KIAA1210: variants seen among roughly 807,000 people sequenced by gnomAD.
KIAA1210 encodes acrosomal protein KIAA1210.
A neutral mutation model predicts 78.9 loss-of-function variants in KIAA1210; 48 were observed. The ratio of observed to expected loss-of-function variants is 0.61; its 90% CI spans 0.48 to 0.77. KIAA1210 has a LOEUF of 0.77. Among genes scored for constraint, KIAA1210 ranks in the 30% least tolerant of loss-of-function variants. The pLI is 0.00. For missense variants in KIAA1210, 1,108 were observed against 1,100.0 expected (o/e 1.01, Z -0.10); for synonymous variants, 406 against 404.5 (o/e 1.00, Z -0.04).
chrX:119,126,644 C>T (rs1265069634), intron 1 of KIAA1210, among the ~76,000 whole-genome samples: 1 of 112,076 alleles, frequency 8.9e-6, no homozygotes. Flanking sequence ...CATATGCAGA[C>T]CATCAGGAGA....
At chrX:119,150,132 A>G (rs758136403) in intron 1 of KIAA1210, among the ~76,000 whole-genome samples, 1 of 112,184 alleles carries the variant, frequency 8.9e-6, no homozygotes, top group Non-Finnish European at 1.9e-5. Flanking sequence ...GATGTTGGCT[A>G]GGTTTCTTGA....
rs745882570 is a variant in KIAA1210 at position 119,086,562 on chromosome X, A to G, written c.4140T>C (p.Pro1380=). ...AAGCCTTACCTGGGGTCTTGCAAGC[A>G]GGTTGCTTCTTGGCCATGCTTTCAG... is the stretch of plus-strand genomic sequence containing the variant. ...PKSESMAKKQ[P]ACKTPGKPAG... The change falls in exon 9 of 12, where the codon CCT becomes CCC. Residue 1380 remains proline, a synonymous_variant. Transcript: ENST00000691062. 1.7e-6 allele frequency: 2 copies of G among 1,203,542 alleles called. No homozygotes were observed. Among genetic ancestry groups the G allele is most frequent in the East Asian group, 3.0e-5 (1 of 33,818 alleles).
chrX:119,135,169 C>T (rs751221625), intron 2 of KIAA1210, among the ~76,000 whole-genome samples: 6 of 111,682 alleles, frequency 5.4e-5, no homozygotes, highest in African/African-American at 2.0e-4. Flanking sequence ...TTTTAAAGCC[C>T]ATGATTCGAC....
chrX:119,147,505 C>G (rs1304729240), exon 2 of KIAA1210: 3 of 1,211,523 alleles, frequency 2.5e-6, no homozygotes, highest in Non-Finnish European at 3.4e-6. Flanking sequence ...GTAGGAGAAG[C>G]TGACTAGCAT....
In KIAA1210 at chrX:119,089,710, A is replaced by T. The variant is rs772720499; in HGVS notation, c.992T>A (p.Met331Lys). The T allele has an allele frequency of 8.3e-7, 1 of 1,206,315 alleles. No individual in the cohort carries two copies. Among genetic ancestry groups the T allele is most frequent in the Non-Finnish European group, 1.1e-6 (1 of 893,981 alleles). ...CTGGTCTGTTGTCTTCTTATCATAC[A>T]TCTCAGTTTTGTTGTTCTGTTTCTG... ...SSQKQNNKTE[M>K]YDKKTTDQAP... Residue 331 changes from methionine (M) to lysine (K), a missense_variant, in exon 9 of 12, where the codon ATG becomes AAG. Physicochemically the swap from Met to Lys is moderately conservative, Grantham distance 95 (BLOSUM62 -1). This residue lies in a region of KIAA1210 where 672 missense variants were observed against 607.1 expected (regional missense o/e 1.11). Coordinates refer to ENST00000691062, the MANE Select transcript of KIAA1210 (RefSeq NM_001394962.1).
At chrX:119,114,142 G>A (rs1928175917) in intron 3 of KIAA1210, among the ~76,000 whole-genome samples, 1 of 111,492 alleles carries the variant, frequency 9.0e-6, no homozygotes, top group African/African-American at 3.3e-5. Context: ...TAGCAGCTTG[G>A]GCATTGTGGG....
rs751377435 is a variant in KIAA1210 at position 119,088,790 on chromosome X, C to T, written c.1912G>A (p.Val638Ile). The T allele has an allele frequency of 6.3e-5, 76 of 1,210,069 alleles. No homozygotes were observed. In the South Asian group the frequency reaches 1.2e-3, roughly 19 times the overall value. The change falls in exon 9 of 12, where the codon GTC becomes ATC. Residue 638 changes from valine to isoleucine, a missense_variant. This residue lies in a region of KIAA1210 where 672 missense variants were observed against 607.1 expected (regional missense o/e 1.11). Transcript: ENST00000691062. Reference protein sequence around the residue: ...SLGKFEDEQEVFSESKSFVED... With the variant: ...SLGKFEDEQEIFSESKSFVED... ...ACAAAACTTTTTGATTCTGAGAAGA[C>T]TTCTTGTTCATCTTCAAACTTCCCC...
intron 2 of KIAA1210, among the ~76,000 whole-genome samples, chrX:119,146,046 A>G (rs1248369025): frequency 8.9e-6 from 1 of 112,400 alleles, no homozygotes; most frequent in African/African-American, 3.2e-5. Context: ...ATCACATCGC[A>G]TTTTACATTT....
At chrX:119,084,842 T>G (rs1927081054) in intron 10 of KIAA1210, among the ~76,000 whole-genome samples, 1 of 112,170 alleles carries the variant, frequency 8.9e-6, no homozygotes, top group African/African-American at 3.2e-5. Flanking sequence ...GCAGGATTTG[T>G]TTTGCAGATT....
At chrX:119,091,427 A>G (rs759049703) in intron 8 of KIAA1210, among the ~76,000 whole-genome samples, 6 of 112,552 alleles carry the variant, frequency 5.3e-5, no homozygotes, top group African/African-American at 1.3e-4. Flanking sequence ...ACCTGCACAC[A>G]TATGTTTATT....
At chrX:119,118,527 A>G (rs967342784) in intron 2 of KIAA1210, among the ~76,000 whole-genome samples, 3 of 112,503 alleles carry the variant, frequency 2.7e-5, no homozygotes, top group Admixed American at 9.4e-5. Context: ...CTCCCAATGT[A>G]TGTAAGCGGA....
Position 119,147,419 on chromosome X carries a change from T to G in KIAA1210, c.410+54A>C, listed in dbSNP as rs973178371. On this transcript the variant is annotated intron_variant, in intron 2 of 13. Transcript: ENST00000402510. ...GAGCAGGCTGACACATAATTTACAATAGTAATTCCCTGGTCAGGTGTCAAG... is the reference window on the plus strand; with the variant it reads ...GAGCAGGCTGACACATAATTTACAAGAGTAATTCCCTGGTCAGGTGTCAAG... 3.4e-6 allele frequency: 4 copies of G among 1,192,663 alleles called. No individual in the cohort carries two copies. In the African/African-American group the frequency reaches 5.3e-5, roughly 16 times the overall value.
In KIAA1210 at chrX:119,087,655, G is replaced by A. The variant is rs898311936; in HGVS notation, c.3047C>T (p.Pro1016Leu). The part of the protein sequence containing the change: ...TSNKSPIPRR[P>L]TQSFVKFMAQ... ...CATAAATTTCACGAATGACTGGGTC[G>A]GACGCCTGGGAATCGGTGATTTGTT... The change falls in exon 9 of 12, where the codon CCG (proline) becomes CTG (leucine). Residue 1016 changes from proline (P) to leucine (L), a missense_variant. Around this residue, in one of 5 missense-constraint regions of KIAA1210, gnomAD observed 179 missense variants for 174.1 expected, o/e 1.03. Coordinates refer to ENST00000691062, the MANE Select transcript of KIAA1210 (RefSeq NM_001394962.1). 13 of 1,210,978 alleles carry A rather than the reference G, an allele frequency of 1.1e-5. No individual in the cohort carries two copies. The highest frequency in any genetic ancestry group is 6.9e-5 in the African/African-American group (4 of 57,658).
intron 3 of KIAA1210, among the ~76,000 whole-genome samples, chrX:119,115,842 C>T (rs146145928): frequency 1.3e-3 from 142 of 111,900 alleles, no homozygotes; most frequent in Non-Finnish European, 1.9e-3. Context: ...ATCTGAACAG[C>T]GGTGGCAGTG....
In KIAA1210 at chrX:119,093,846, GA is replaced by G. The variant is rs1246156290; in HGVS notation, c.847-72del. ...CAACCACGCCTGCATGGTTGCCAAAGAAAAAGCATCAGGAAAAAAGTTCTTG... is the reference window on the plus strand; with the variant it reads ...CAACCACGCCTGCATGGTTGCCAAAGAAAAGCATCAGGAAAAAAGTTCTTG... On this transcript the variant is annotated intron_variant, in intron 7 of 11. Coordinates refer to ENST00000691062, the MANE Select transcript of KIAA1210 (RefSeq NM_001394962.1). 19 of 1,002,854 alleles carry G rather than the reference GA, an allele frequency of 1.9e-5. No homozygotes were observed. The East Asian group carries it at 3.4e-4, about 18-fold the overall frequency. 82.6% of individuals were successfully genotyped at this position (1,002,854 alleles called of 1,213,427 possible).
In KIAA1210 at chrX:119,119,349, G is replaced by T. The variant is rs993057728; in HGVS notation, c.62-2685C>A. Among the ~76,000 whole-genome samples the T allele has an allele frequency of 2.7e-5, 3 of 112,124 alleles. 1 individual carries two copies. Among genetic ancestry groups the T allele is most frequent in the Middle Eastern group, 9.2e-3 (2 of 218 alleles). The stretch of plus-strand genomic sequence containing the variant: ...TTATAGAACTGTTTGCTTGATAATT[G>T]CTGCTTAAGTAATTTCTGTTTTGGA... On this transcript the variant is annotated intron_variant, in intron 2 of 11. Coordinates refer to ENST00000691062, the MANE Select transcript of KIAA1210 (RefSeq NM_001394962.1).
chrX:119,083,003 G>A lies in KIAA1210; in HGVS notation c.4426+12C>T, dbSNP rs781167088. On this transcript the variant is annotated intron_variant, in intron 11 of 11. Transcript: ENST00000691062. The stretch of plus-strand genomic sequence containing the variant: ...GGGCTGTTTTTTGAGAGGTCAGAAT[G>A]TATGCTTTTACCTGATTTTGTAGGC... 1 of 1,149,632 alleles carries A rather than the reference G, an allele frequency of 8.7e-7. No homozygotes were observed. Among genetic ancestry groups the A allele is most frequent in the Non-Finnish European group, 1.2e-6 (1 of 848,842 alleles). 94.7% of individuals were successfully genotyped at this position (1,149,632 alleles called of 1,213,427 possible).
intron 2 of KIAA1210, among the ~76,000 whole-genome samples, chrX:119,138,470 TG>T (rs1367740429): frequency 1.8e-5 from 2 of 110,985 alleles, no homozygotes; most frequent in Non-Finnish European, 3.8e-5. Flanking sequence ...CTGTCCGCCT[TG>T]GCCTCCAAAA....
At chrX:119,124,480 G>A (rs761597316) in intron 1 of KIAA1210, among the ~76,000 whole-genome samples, 76 of 112,283 alleles carry the variant, frequency 6.8e-4, no homozygotes, top group Middle Eastern at 4.6e-3. Context: ...TGTTTTGTGG[G>A]TTGGGGCCCA....
Sources: gnomAD v4.1 joint callset for allele counts (sites outside exome capture counted in the v4.1 genomes callset) on GRCh38, gnomAD v4.1.1 for gene constraint, gnomAD v4.1.1 regional missense constraint, MANE v1.5 for transcripts, NCBI Gene and HGNC (gene_info 2026-07-23, HGNC 2026-07-21) for gene names.